NEK11: variants seen among roughly 807,000 people sequenced by gnomAD.
NEK11 encodes the protein serine/threonine-protein kinase Nek11.
Under a neutral mutation model 80.7 loss-of-function variants are expected in NEK11, and 72 were observed. The ratio of observed to expected loss-of-function variants is 0.89; its 90% CI spans 0.74 to 1.08. The LOEUF (loss-of-function observed/expected upper bound fraction) is 1.08, where lower values mean the gene tolerates loss of function less well. Ranked by LOEUF, NEK11 falls within the 50% of genes least tolerant of loss-of-function variation. The pLI is 0.00. For missense variants in NEK11, 764 were observed against 763.6 expected (o/e 1.00, Z -0.01); for synonymous variants, 251 against 260.7 (o/e 0.96, Z 0.36).
At chr3:131,205,252 A>G (rs940008265) in intron 14 of NEK11, among the ~76,000 whole-genome samples, 14 of 152,230 alleles carry the variant, frequency 9.2e-5, no homozygotes, top group Non-Finnish European at 1.5e-4. Flanking sequence ...ATAAGAAATG[A>G]AAGTGTTGGT....
At chr3:131,107,370 A>AT (rs896565694) in intron 4 of NEK11, among the ~76,000 whole-genome samples, 10 of 116,832 alleles carry the variant, frequency 8.6e-5, no homozygotes, top group Non-Finnish European at 1.3e-4. Context: ...TAATAATAAA[A>AT]TAAAAAAAAA....
intron 3 of NEK11, among the ~76,000 whole-genome samples, chr3:131,080,084 GAGAC>G (rs2075017610): frequency 1.3e-5 from 2 of 150,920 alleles, no homozygotes; most frequent in South Asian, 4.2e-4. Context: ...CACATAGAAA[GAGAC>G]AGACAGAAAT....
At chr3:131,312,067 A>G (rs1207710897) in intron 17 of NEK11, among the ~76,000 whole-genome samples, 1 of 152,244 alleles carries the variant, frequency 6.6e-6, no homozygotes, top group African/African-American at 2.4e-5. Flanking sequence ...GGTTTTGTCC[A>G]TAAAATTTGA....
chr3:131,314,922 AATAACTT>A (rs2096821303), intron 17 of NEK11, among the ~76,000 whole-genome samples: 1 of 152,236 alleles, frequency 6.6e-6, no homozygotes, highest in East Asian at 1.9e-4. Context: ...GCAACAAACA[AATAACTT>A]ATAAATTATC....
intron 16 of NEK11, among the ~76,000 whole-genome samples, chr3:131,259,289 G>C (rs980421966): frequency 6.6e-6 from 1 of 152,154 alleles, no homozygotes; most frequent in Non-Finnish European, 1.5e-5. Context: ...GATGCCACAG[G>C]GTTGACAACA....
At chr3:131,337,122 C>G (rs1267572885) in intron 17 of NEK11, among the ~76,000 whole-genome samples, 1 of 152,154 alleles carries the variant, frequency 6.6e-6, no homozygotes, top group Non-Finnish European at 1.5e-5. Flanking sequence ...TGGGTATATA[C>G]CCAAAGGACT....
intron 5 of NEK11, among the ~76,000 whole-genome samples, chr3:131,121,636 AG>A (rs369607026): frequency 2.3e-4 from 35 of 152,288 alleles, no homozygotes; most frequent in African/African-American, 7.5e-4. Context: ...GGCTCCACCC[AG>A]TTTGAGCTTC....
At chr3:131,096,486 A>G (rs1357028369) in intron 4 of NEK11, among the ~76,000 whole-genome samples, 1 of 152,096 alleles carries the variant, frequency 6.6e-6, no homozygotes, top group Non-Finnish European at 1.5e-5. Flanking sequence ...GGTGATGAAC[A>G]TTATGCATGC....
intron 4 of NEK11, among the ~76,000 whole-genome samples, chr3:131,097,960 T>C (rs2077714358): frequency 1.4e-5 from 2 of 145,496 alleles, no homozygotes; most frequent in African/African-American, 2.5e-5. Flanking sequence ...AAAACAGATA[T>C]AGATCAATGG....
At chr3:131,158,780 C>T (rs1441791356) in intron 10 of NEK11, among the ~76,000 whole-genome samples, 1 of 152,168 alleles carries the variant, frequency 6.6e-6, no homozygotes, top group Non-Finnish European at 1.5e-5. Flanking sequence ...AAGTCTGCAC[C>T]CCTCCACACT....
intron 5 of NEK11, among the ~76,000 whole-genome samples, chr3:131,126,570 T>C (rs2083376704): frequency 6.6e-6 from 1 of 152,210 alleles, no homozygotes; most frequent in South Asian, 2.1e-4. Flanking sequence ...TAAGTCACTT[T>C]CCATGTAACA....
intron 4 of NEK11, among the ~76,000 whole-genome samples, chr3:131,093,116 G>A (rs2076957944): frequency 6.6e-6 from 1 of 152,132 alleles, no homozygotes; most frequent in Non-Finnish European, 1.5e-5. Context: ...AATATATCCT[G>A]GAGGGGCACA....
chr3:131,039,936 A>G (rs2066220486), intron 3 of NEK11, among the ~76,000 whole-genome samples: 1 of 152,182 alleles, frequency 6.6e-6, no homozygotes, highest in Non-Finnish European at 1.5e-5. Context: ...AGTTATTCCT[A>G]AGCTTGGTTT....
At position 131,228,583 on chromosome 3, in the gene NEK11, C is replaced by T; in HGVS notation, c.1455C>T (p.Ser485=). 1.2e-6 allele frequency: 2 copies of T among 1,613,494 alleles called. No homozygotes were observed. The highest frequency in any genetic ancestry group is 1.1e-5 in the South Asian group (1 of 91,012). The change falls in exon 15 of 18, where the codon TCC becomes TCT. Residue 485 remains serine (S), a synonymous_variant. Coordinates refer to ENST00000383366, the MANE Select transcript of NEK11 (RefSeq NM_024800.5). ...AGTACTACGCTGATGCATTTGATTC[C>T]TATTGTGAAGAGAGTGATGAGGAGG... ...AEEYYADAFD[S]YCEESDEEEE...
At chr3:131,157,385 A>G (rs751117918) in intron 10 of NEK11, among the ~76,000 whole-genome samples, 2 of 152,130 alleles carry the variant, frequency 1.3e-5, no homozygotes, top group South Asian at 4.1e-4. Context: ...TGGGAGTGTG[A>G]TCATTGTCCA....
At chr3:131,097,691 T>C (rs1395177282) in intron 4 of NEK11, among the ~76,000 whole-genome samples, 3 of 151,862 alleles carry the variant, frequency 2.0e-5, no homozygotes, top group South Asian at 2.1e-4. Context: ...TCCATGCTCA[T>C]GGGTAGGAAG....
intron 15 of NEK11, among the ~76,000 whole-genome samples, chr3:131,237,957 A>C (rs1335024761): frequency 6.6e-6 from 1 of 152,128 alleles, no homozygotes; most frequent in Non-Finnish European, 1.5e-5. Flanking sequence ...GTCTCATTCA[A>C]AGCAAAGAAA....
intron 17 of NEK11, among the ~76,000 whole-genome samples, chr3:131,289,630 A>G (rs1030278133): frequency 6.6e-6 from 1 of 152,116 alleles, no homozygotes; most frequent in African/African-American, 2.4e-5. Context: ...GTGACAGATA[A>G]AGAGGACAAG....
At chr3:131,039,663 T>G (rs1355578844) in intron 3 of NEK11, among the ~76,000 whole-genome samples, 2 of 152,184 alleles carry the variant, frequency 1.3e-5, no homozygotes, top group Non-Finnish European at 2.9e-5. Context: ...AACTGAAAAT[T>G]TTAGTTGTGA....
Sources: gnomAD v4.1 joint callset for allele counts (sites outside exome capture counted in the v4.1 genomes callset) on GRCh38, gnomAD v4.1.1 for gene constraint, MANE v1.5 for transcripts, NCBI Gene and HGNC (gene_info 2026-07-23, HGNC 2026-07-21) for gene names.